Variants in ANXA8 observed in about 807,000 individuals in gnomAD.
ANXA8 encodes annexin A8.
ANXA8 carries 9 observed loss-of-function variants against 26.8 expected under a neutral mutation model. That is an observed-to-expected ratio of 0.34 (90% CI 0.20 to 0.59). The LOEUF is 0.59. Ranked by LOEUF, ANXA8 falls within the 20% of genes least tolerant of loss-of-function variation. The pLI is 0.84. For synonymous variants in ANXA8, 39 were observed against 94.8 expected (o/e 0.41, Z 3.42); for missense variants, 83 against 238.5 (o/e 0.35, Z 4.29).
the ANXA8 span, among the ~76,000 whole-genome samples, chr10:47,608,024 C>T: frequency 2.7e-5 from 4 of 147,664 alleles, no homozygotes; most frequent in Non-Finnish European, 5.9e-5. Context: ...TGGTAATCTT[C>T]CAAGTAAATA....
chr10:47,489,454 C>CA, the ANXA8 span: 14 of 636,174 alleles, frequency 2.2e-5, no homozygotes, highest in Non-Finnish European at 4.0e-5. Flanking sequence ...ATAACTGCCC[C>CA]AGCCAAGAGG....
At chr10:47,624,426 G>C in the ANXA8 span, among the ~76,000 whole-genome samples, 1 of 116,354 alleles carries the variant, frequency 8.6e-6, no homozygotes, top group Non-Finnish European at 2.0e-5. Context: ...GAGAAATTTT[G>C]TTATGAAGTA....
At chr10:47,649,977 G>A in the ANXA8 span, among the ~76,000 whole-genome samples, 1 of 150,878 alleles carries the variant, frequency 6.6e-6, no homozygotes, top group East Asian at 2.0e-4. Flanking sequence ...GGAGGCCAAA[G>A]TAGATGGATC....
intron 6 of ANXA8, 60 bp from the exon 7 acceptor site, chr10:47,475,064 A>AG (rs1437691963): frequency 2.0e-6 from 3 of 1,524,898 alleles, no homozygotes; most frequent in African/African-American, 2.8e-5. Context: ...TTAAGGGCAC[A>AG]GGGGGGATCC....
the ANXA8 span, among the ~76,000 whole-genome samples, chr10:47,974,010 T>C: frequency 1.3e-5 from 2 of 150,870 alleles, no homozygotes; most frequent in African/African-American, 2.4e-5. Context: ...AGATTGTATG[T>C]TCCCAGGAAT....
the ANXA8 span, among the ~76,000 whole-genome samples, chr10:47,655,531 G>A: frequency 6.6e-6 from 1 of 151,236 alleles, no homozygotes; most frequent in Non-Finnish European, 1.5e-5. Context: ...GCTGAATAGG[G>A]AACAAATGAA....
At chr10:47,645,279 C>T in the ANXA8 span, among the ~76,000 whole-genome samples, 17,426 of 113,442 alleles carry the variant, frequency 0.15, 2,021 homozygotes, top group African/African-American at 0.33. Flanking sequence ...AATTTTGTAC[C>T]TTTAATTTTA....
intron 11 of ANXA8, among the ~76,000 whole-genome samples, chr10:47,470,214 A>C (rs2132390179): frequency 1.3e-5 from 2 of 152,006 alleles, no homozygotes; most frequent in East Asian, 3.9e-4. Flanking sequence ...TTTTTGCTTT[A>C]ATGACATCTG....
chr10:47,675,473 A>G, the ANXA8 span, among the ~76,000 whole-genome samples: 1 of 151,880 alleles, frequency 6.6e-6, no homozygotes, highest in African/African-American at 2.4e-5. Context: ...ACCTAGGCTC[A>G]GATCCCAGAC....
the ANXA8 span, chr10:47,751,402 C>T: frequency 2.4e-5 from 2 of 83,346 alleles, no homozygotes; most frequent in Non-Finnish European, 4.8e-5. Context: ...TGCTCAGCCA[C>T]TGCAGTTTGG....
chr10:47,677,282 G>C, the ANXA8 span, among the ~76,000 whole-genome samples: 1 of 152,062 alleles, frequency 6.6e-6, no homozygotes, highest in Non-Finnish European at 1.5e-5. Flanking sequence ...GGATGCATAT[G>C]TAATCTCTAG....
At chr10:47,951,802 C>G in the ANXA8 span, among the ~76,000 whole-genome samples, 1 of 100,056 alleles carries the variant, frequency 1.0e-5, no homozygotes, top group South Asian at 3.5e-4. Context: ...CAGAGCAAGA[C>G]TCTGTCTCCA....
the ANXA8 span, among the ~76,000 whole-genome samples, chr10:47,580,334 T>C: frequency 1.3e-5 from 2 of 152,280 alleles, no homozygotes; most frequent in African/African-American, 2.4e-5. Flanking sequence ...AAGCTCTCCA[T>C]CTAACAAGTG....
the ANXA8 span, among the ~76,000 whole-genome samples, chr10:47,748,717 C>T: frequency 2.0e-5 from 3 of 151,694 alleles, no homozygotes; most frequent in Non-Finnish European, 4.4e-5. Context: ...TTTTGAACTC[C>T]TGGGCTCAAG....
chr10:47,521,896 T>G, the ANXA8 span, among the ~76,000 whole-genome samples: 1 of 149,852 alleles, frequency 6.7e-6, no homozygotes. Flanking sequence ...TTCTCCCGCC[T>G]CAGCCTTGTG....
At chr10:47,709,324 C>T in the ANXA8 span, among the ~76,000 whole-genome samples, 1,486 of 149,538 alleles carry the variant, frequency 9.9e-3, 27 homozygotes, top group Non-Finnish European at 0.015. Flanking sequence ...ATGAAGTCTG[C>T]TTTCTAAAAA....
At chr10:47,545,029 TAG>T in the ANXA8 span, among the ~76,000 whole-genome samples, 2 of 61,042 alleles carry the variant, frequency 3.3e-5, no homozygotes, top group Non-Finnish European at 6.6e-5. Context: ...AGGCAATTCC[TAG>T]AGAGATGTTT....
At chr10:47,631,828 C>T in the ANXA8 span, among the ~76,000 whole-genome samples, 1 of 151,294 alleles carries the variant, frequency 6.6e-6, no homozygotes, top group Non-Finnish European at 1.5e-5. Flanking sequence ...TTAGAGTATG[C>T]TAGTGCTCAT....
At chr10:47,944,861 C>T in the ANXA8 span, among the ~76,000 whole-genome samples, 1 of 129,892 alleles carries the variant, frequency 7.7e-6, no homozygotes, top group African/African-American at 3.1e-5. Flanking sequence ...CTGGGCCCCA[C>T]CCACCCCCAC....
Sources: allele counts gnomAD v4.1 joint callset (sites outside exome capture counted in the v4.1 genomes callset), GRCh38; gene constraint gnomAD v4.1.1; transcripts MANE v1.5; gene names NCBI Gene and HGNC (gene_info 2026-07-23, HGNC 2026-07-21).